THSD7B: variants seen among roughly 807,000 people sequenced by gnomAD.
The protein encoded by THSD7B is thrombospondin type 1 domain containing 7B.
THSD7B carries 138 observed loss-of-function variants against 213.6 expected under a neutral mutation model. The observed-to-expected ratio is 0.65, with a 90% CI of 0.56 to 0.74. The LOEUF (loss-of-function observed/expected upper bound fraction) is 0.74, where lower values mean the gene tolerates loss of function less well. THSD7B is among the 30% of genes least tolerant of loss of function. THSD7B has a pLI of 0.00. For missense variants in THSD7B, 1,931 were observed against 1,991.5 expected (o/e 0.97, Z 0.58); for synonymous variants, 742 against 687.0 (o/e 1.08, Z -1.25).
At chr2:137,571,342 A>G (rs1011813025) in intron 16 of THSD7B, among the ~76,000 whole-genome samples, 16 of 152,098 alleles carry the variant, frequency 1.1e-4, no homozygotes, top group Non-Finnish European at 2.9e-5. Context: ...CTTGCTGAAC[A>G]TTTGGACTGT....
Position 137,056,670 on chromosome 2 carries a change from G to C in THSD7B, c.390G>C (p.Glu130Asp). The C allele has an allele frequency of 1.9e-6, 3 of 1,614,034 alleles. No homozygotes were observed. The highest frequency in any genetic ancestry group is 2.2e-5 in the South Asian group (2 of 91,082). Residue 130 changes from glutamate (E) to aspartate (D), a missense_variant, in exon 3 of 28, where the codon GAG (glutamate) becomes GAC (aspartate). By Grantham distance (45) the Glu-to-Asp change is conservative (BLOSUM62 2). Transcript: ENST00000409968. ...GTGAAGTCAAGCCTCGGACTGCAGA[G>C]TGTGTGACGGCTCAGCATGGACTGC... Reference protein sequence around the residue: ...ARGEVKPRTAECVTAQHGLQH... With the variant: ...ARGEVKPRTADCVTAQHGLQH...
At chr2:137,249,428 G>A (rs1440528363) in intron 10 of THSD7B, among the ~76,000 whole-genome samples, 1 of 152,080 alleles carries the variant, frequency 6.6e-6, no homozygotes, top group Non-Finnish European at 1.5e-5. Flanking sequence ...AGAACTCTTA[G>A]TCTGGTCTAA....
chr2:137,282,474 T>G (rs1166741156), intron 12 of THSD7B, among the ~76,000 whole-genome samples: 1 of 152,242 alleles, frequency 6.6e-6, no homozygotes, highest in East Asian at 1.9e-4. Context: ...CATGAAGTCC[T>G]TGCCTGTGCC....
intron 15 of THSD7B, among the ~76,000 whole-genome samples, chr2:137,456,767 T>G (rs1687772032): frequency 6.6e-6 from 1 of 152,228 alleles, no homozygotes; most frequent in Admixed American, 6.5e-5. Context: ...AATTAAGGGC[T>G]GCAGAGTGAT....
intron 5 of THSD7B, 113 bp downstream of exon 5, chr2:137,115,406 ATTTATT>A: frequency 8.2e-7 from 1 of 1,225,412 alleles, no homozygotes; most frequent in Non-Finnish European, 1.1e-6. Flanking sequence ...CACATTTAAT[ATTTATT>A]TTGTTGACCA....
intron 15 of THSD7B, among the ~76,000 whole-genome samples, chr2:137,561,344 A>T (rs564671748): frequency 6.6e-6 from 1 of 152,176 alleles, no homozygotes; most frequent in Admixed American, 6.5e-5. Context: ...TCTAAGTTCT[A>T]CTTAGTATTG....
intron 2 of THSD7B, among the ~76,000 whole-genome samples, chr2:136,958,529 G>A (rs114859125): frequency 0.01 from 1,574 of 152,258 alleles, 13 homozygotes; most frequent in East Asian, 0.044. Context: ...GATTGCTTTT[G>A]GCATTTCACT....
intron 12 of THSD7B, among the ~76,000 whole-genome samples, chr2:137,305,633 G>T (rs1018948413): frequency 4.6e-5 from 7 of 152,238 alleles, no homozygotes; most frequent in Middle Eastern, 6.8e-3. Context: ...CAGTACATCA[G>T]CAACAATGCA....
At chr2:136,775,851 G>A (rs531448095) in intron 1 of THSD7B, among the ~76,000 whole-genome samples, 13 of 152,180 alleles carry the variant, frequency 8.5e-5, no homozygotes, top group Admixed American at 5.9e-4. Context: ...GAACAGTGGC[G>A]ATTACCCGTG....
At chr2:136,998,180 C>A (rs1054834684) in intron 2 of THSD7B, among the ~76,000 whole-genome samples, 14 of 147,466 alleles carry the variant, frequency 9.5e-5, no homozygotes. Context: ...GCATTAGGAA[C>A]CTTGAAAGCC....
chr2:137,349,627 G>A (rs1684963513), intron 12 of THSD7B, among the ~76,000 whole-genome samples: 2 of 151,844 alleles, frequency 1.3e-5, no homozygotes, highest in African/African-American at 2.4e-5. Context: ...CAGTTTAAAC[G>A]TAGGCTATTG....
intron 2 of THSD7B, among the ~76,000 whole-genome samples, chr2:136,892,059 G>A (rs984034029): frequency 9.9e-5 from 15 of 152,024 alleles, no homozygotes; most frequent in Middle Eastern, 3.4e-3. Context: ...GTGTGGTCTC[G>A]CCATATGGAA....
intron 12 of THSD7B, among the ~76,000 whole-genome samples, chr2:137,308,618 T>G (rs544235289): frequency 2.2e-4 from 34 of 152,234 alleles, no homozygotes; most frequent in African/African-American, 7.7e-4. Flanking sequence ...TTTTTTCTGT[T>G]TTCAAAATAC....
At chr2:137,175,405 G>A (rs1573868320) in intron 7 of THSD7B, among the ~76,000 whole-genome samples, 2 of 152,344 alleles carry the variant, frequency 1.3e-5, no homozygotes, top group Middle Eastern at 6.8e-3. Flanking sequence ...AAGTTCACAT[G>A]TTGAGAGGCA....
At chr2:137,313,401 T>C (rs577057936) in intron 12 of THSD7B, among the ~76,000 whole-genome samples, 5 of 151,530 alleles carry the variant, frequency 3.3e-5, no homozygotes, top group African/African-American at 4.8e-5. Flanking sequence ...CTATGTGTGT[T>C]TCTGCACATG....
chr2:137,591,378 A>G (rs1020274027), intron 17 of THSD7B, among the ~76,000 whole-genome samples: 1 of 151,946 alleles, frequency 6.6e-6, no homozygotes, highest in Non-Finnish European at 1.5e-5. Context: ...CACATGTAGT[A>G]TTCTCATTTT....
chr2:136,796,585 A>G (rs1457231701), intron 1 of THSD7B, among the ~76,000 whole-genome samples: 1 of 152,012 alleles, frequency 6.6e-6, no homozygotes, highest in Non-Finnish European at 1.5e-5. Context: ...TTCAGTTGTG[A>G]TAAAATCTAA....
At position 137,162,716 on chromosome 2, in the gene THSD7B, C is replaced by CCTT. The variant is rs1553475564; in HGVS notation, c.1525+2349_1525+2350insTTC. ...TCCTTTCTTTCCTTCCTCCCTCCCT[C>CCTT]CCTTCCTTCCTTTCTTCCTCCCTTT... On this transcript the variant is annotated intron_variant, in intron 6 of 27. Coordinates refer to ENST00000409968, the MANE Select transcript of THSD7B (RefSeq NM_001316349.2). Among the ~76,000 whole-genome samples, 1,295 of 151,974 alleles carry CCTT rather than the reference C, an allele frequency of 8.5e-3. 17 individuals carry two copies. The highest frequency in any genetic ancestry group is 0.029 in the African/African-American group (1,222 of 41,456).
intron 12 of THSD7B, among the ~76,000 whole-genome samples, chr2:137,402,086 G>A (rs1202281038): frequency 6.6e-6 from 1 of 152,134 alleles, no homozygotes; most frequent in African/African-American, 2.4e-5. Flanking sequence ...AAATATAAAG[G>A]ATAGTAATAA....
Sources: gnomAD v4.1 joint callset for allele counts (sites outside exome capture counted in the v4.1 genomes callset) on GRCh38, gnomAD v4.1.1 for gene constraint, MANE v1.5 for transcripts, NCBI Gene and HGNC (gene_info 2026-07-23, HGNC 2026-07-21) for gene names.